ZDHHC15: variants seen among roughly 807,000 people sequenced by gnomAD.
ZDHHC15 encodes palmitoyltransferase ZDHHC15.
A neutral mutation model predicts 31.7 loss-of-function variants in ZDHHC15; 19 were observed. That is an observed-to-expected ratio of 0.60 (90% CI 0.42 to 0.88). The LOEUF (loss-of-function observed/expected upper bound fraction) is 0.88. Ranked by LOEUF, ZDHHC15 falls within the 40% of genes least tolerant of loss-of-function variation. The pLI, the probability that ZDHHC15 is intolerant of heterozygous loss-of-function variation, is 0.00. For missense variants in ZDHHC15, 209 were observed against 251.2 expected (o/e 0.83, Z 1.14); for synonymous variants, 103 against 90.0 (o/e 1.14, Z -0.82).
chrX:75,490,568 A>G (rs1304800680), intron 2 of ZDHHC15, among the ~76,000 whole-genome samples: 3 of 111,695 alleles, frequency 2.7e-5, no homozygotes, highest in Non-Finnish European at 5.6e-5. Context: ...TTGAATCTAT[A>G]AATTACCTTG....
chrX:75,459,963 C>T (rs190345764), intron 3 of ZDHHC15, among the ~76,000 whole-genome samples: 5 of 112,149 alleles, frequency 4.5e-5, no homozygotes, highest in African/African-American at 1.6e-4. Context: ...GCAACCTCTG[C>T]CTCCCAGGTT....
intron 3 of ZDHHC15, among the ~76,000 whole-genome samples, chrX:75,460,831 G>A (rs2084301986): frequency 8.9e-6 from 1 of 111,916 alleles, no homozygotes; most frequent in Admixed American, 9.5e-5. Context: ...ACAAATATGA[G>A]AAATAATCAA....
intron 10 of ZDHHC15, among the ~76,000 whole-genome samples, chrX:75,382,762 C>T (rs2083129213): frequency 8.9e-6 from 1 of 112,015 alleles, no homozygotes; most frequent in Admixed American, 9.5e-5. Context: ...TCAGGTTGAG[C>T]TTGGAGCCAT....
At chrX:75,445,720 C>T (rs1418061531) in intron 4 of ZDHHC15, among the ~76,000 whole-genome samples, 1 of 111,717 alleles carries the variant, frequency 9.0e-6, no homozygotes, top group African/African-American at 3.3e-5. Flanking sequence ...AATGAGGGCA[C>T]TGATTTGTAA....
At chrX:75,400,430 G>T (rs921703135) in intron 10 of ZDHHC15, among the ~76,000 whole-genome samples, 19 of 111,342 alleles carry the variant, frequency 1.7e-4, no homozygotes, top group African/African-American at 4.9e-4. Flanking sequence ...GAAAAATAAA[G>T]AAAAAAGAAT....
chrX:75,481,657 C>T (rs1013576957), intron 2 of ZDHHC15, among the ~76,000 whole-genome samples: 6 of 112,135 alleles, frequency 5.4e-5, no homozygotes, highest in East Asian at 2.8e-4. Flanking sequence ...TGGTTCAACA[C>T]TCTCATTTTA....
chrX:75,450,714 A>T (rs766524434), intron 4 of ZDHHC15, 88 bp downstream of exon 4: 78 of 1,202,751 alleles, frequency 6.5e-5, no homozygotes, highest in Middle Eastern at 4.7e-4. Context: ...TGGGAGGAAA[A>T]AAAAGGGCTA....
intron 10 of ZDHHC15, 54 bp from the exon 11 acceptor site, chrX:75,379,252 G>A: frequency 8.6e-7 from 1 of 1,164,248 alleles, no homozygotes; most frequent in Non-Finnish European, 1.2e-6. Context: ...TATATGGGTG[G>A]GTATTCATTC....
intron 11 of ZDHHC15, among the ~76,000 whole-genome samples, chrX:75,376,189 TG>T (rs1335258928): frequency 5.4e-5 from 6 of 110,574 alleles, no homozygotes; most frequent in African/African-American, 6.6e-5. Flanking sequence ...ATATGTTTGT[TG>T]GCTGCTTGTA....
intron 11 of ZDHHC15, among the ~76,000 whole-genome samples, chrX:75,373,924 C>CTTTTTTTTTTTTTTTTTT (rs1298329750): frequency 1.6e-4 from 3 of 19,053 alleles, no homozygotes; most frequent in African/African-American, 2.1e-4. Flanking sequence ...TTCATTCTTT[C>CTTTTTTTTTTTTTTTTTT]TGTTTTTTTT....
intron 3 of ZDHHC15, among the ~76,000 whole-genome samples, chrX:75,454,562 C>T (rs1043088461): frequency 1.8e-5 from 2 of 111,417 alleles, no homozygotes; most frequent in East Asian, 5.6e-4. Flanking sequence ...AGTGTAAAAG[C>T]ATTCCTATTT....
chrX:75,416,500 T>C (rs2083550381), intron 10 of ZDHHC15, among the ~76,000 whole-genome samples: 1 of 111,892 alleles, frequency 8.9e-6, no homozygotes, highest in Admixed American at 9.6e-5. Context: ...GGGGATACAT[T>C]ATATGAGAAC....
chrX:75,430,000 C>T lies in ZDHHC15; in HGVS notation c.450-20G>A. The T allele has an allele frequency of 2.5e-6, 3 of 1,202,957 alleles. No individual in the cohort carries two copies. Among genetic ancestry groups the T allele is most frequent in the Non-Finnish European group, 3.4e-6 (3 of 889,672 alleles). On this transcript the variant is annotated intron_variant, in intron 5 of 11. Coordinates refer to ENST00000373367, the MANE Select transcript of ZDHHC15 (RefSeq NM_144969.3). ...ACACACCTACGAAGGGGACAAAATA[C>T]AGTGTGATAAGTGAGGCTATGGAAA...
chrX:75,441,773 G>A (rs1001445133), intron 4 of ZDHHC15, among the ~76,000 whole-genome samples: 10 of 109,737 alleles, frequency 9.1e-5, no homozygotes, highest in African/African-American at 2.3e-4. Flanking sequence ...ACAGGCACCC[G>A]CCACTGCGCA....
At chrX:75,514,553 G>A (rs923426660) in intron 1 of ZDHHC15, among the ~76,000 whole-genome samples, 9 of 111,881 alleles carry the variant, frequency 8.0e-5, no homozygotes, top group Admixed American at 5.7e-4. Flanking sequence ...GACAGTGGGT[G>A]CAGCCCATGG....
At chrX:75,434,225 T>A (rs1029382117) in intron 4 of ZDHHC15, among the ~76,000 whole-genome samples, 2 of 111,769 alleles carry the variant, frequency 1.8e-5, no homozygotes, top group Non-Finnish European at 1.9e-5. Context: ...TCCTTGTAGA[T>A]TCTGGATATT....
chrX:75,486,695 G>A (rs1023472664), intron 2 of ZDHHC15, among the ~76,000 whole-genome samples: 2 of 111,648 alleles, frequency 1.8e-5, no homozygotes, highest in African/African-American at 6.5e-5. Context: ...GATGCTAGGT[G>A]AGGCCTGTCA....
chrX:75,480,674 C>T (rs1248900973), intron 2 of ZDHHC15, among the ~76,000 whole-genome samples: 1 of 111,122 alleles, frequency 9.0e-6, no homozygotes, highest in East Asian at 2.8e-4. Context: ...ATTCGATACA[C>T]ACTGTTTTGT....
chrX:75,425,607 T>C (rs74594158), intron 7 of ZDHHC15, among the ~76,000 whole-genome samples: 1 of 112,153 alleles, frequency 8.9e-6, no homozygotes, highest in Admixed American at 9.5e-5. Flanking sequence ...GAGTGAATAG[T>C]TGGGGGAATG....
Sources: allele counts gnomAD v4.1 joint callset (sites outside exome capture counted in the v4.1 genomes callset), GRCh38; gene constraint gnomAD v4.1.1; transcripts MANE v1.5; gene names NCBI Gene and HGNC (gene_info 2026-07-23, HGNC 2026-07-21).